The following EPHA5 variants were observed in gnomAD, a reference collection of about 807,000 sequenced individuals.
EPHA5 encodes ephrin type-A receptor 5.
EPHA5 carries 60 observed loss-of-function variants against 105.0 expected under a neutral mutation model. That is an observed-to-expected ratio of 0.57 (90% CI 0.46 to 0.71). EPHA5 has a LOEUF of 0.71. Ranked by LOEUF, EPHA5 falls within the 30% of genes least tolerant of loss-of-function variation. The pLI is 0.00. For synonymous variants in EPHA5, 513 were observed against 449.1 expected, an observed-to-expected ratio of 1.14 and a Z score of -1.80; for missense variants, 1,218 against 1,274.7, an observed-to-expected ratio of 0.96 and a Z score of 0.68.
At chr4:65,434,577 T>A (rs2149071228) in intron 5 of EPHA5, among the ~76,000 whole-genome samples, 1 of 152,326 alleles carries the variant, frequency 6.6e-6, no homozygotes, top group East Asian at 1.9e-4. Context: ...TGGAAGGTTT[T>A]TTTTGGATAT....
chr4:65,573,552 C>T (rs1740455770), intron 3 of EPHA5: 1 of 1,598,104 alleles, frequency 6.3e-7, no homozygotes, highest in Non-Finnish European at 8.5e-7. Flanking sequence ...AAAGGGTAAC[C>T]TCAAAGCTAA....
intron 15 of EPHA5, among the ~76,000 whole-genome samples, chr4:65,332,351 T>G (rs1720704265): frequency 6.6e-6 from 1 of 151,816 alleles, no homozygotes; most frequent in African/African-American, 2.4e-5. Flanking sequence ...GGACTTAACA[T>G]GAAGACTTAC....
intron 8 of EPHA5, among the ~76,000 whole-genome samples, chr4:65,385,736 G>A (rs1720013227): frequency 6.6e-6 from 1 of 151,766 alleles, no homozygotes; most frequent in African/African-American, 2.4e-5. Context: ...AAATGTATGT[G>A]TGTGATTATA....
chr4:65,623,048 A>G (rs1328800749), intron 2 of EPHA5, among the ~76,000 whole-genome samples: 1 of 152,138 alleles, frequency 6.6e-6, no homozygotes, highest in Admixed American at 6.5e-5. Flanking sequence ...GTTTAAGTTT[A>G]TGAAAAGTTA....
chr4:65,523,284 G>A (rs1360805750), intron 3 of EPHA5, among the ~76,000 whole-genome samples: 3 of 151,774 alleles, frequency 2.0e-5, no homozygotes, highest in East Asian at 1.9e-4. Flanking sequence ...CCTTTGCTCC[G>A]TGCTTCTTTA....
intron 1 of EPHA5, among the ~76,000 whole-genome samples, chr4:65,667,573 A>G (rs1319752898): frequency 4.6e-5 from 7 of 152,028 alleles, no homozygotes; most frequent in Admixed American, 1.3e-4. Context: ...TAAATCTGTA[A>G]CAACAGCCAG....
chr4:65,505,969 T>C (rs1258340934), intron 3 of EPHA5, among the ~76,000 whole-genome samples: 1 of 152,150 alleles, frequency 6.6e-6, no homozygotes, highest in Non-Finnish European at 1.5e-5. Flanking sequence ...CATTTAACAT[T>C]AGGTATATCT....
At chr4:65,454,791 T>G (rs1727413709) in intron 5 of EPHA5, among the ~76,000 whole-genome samples, 1 of 152,204 alleles carries the variant, frequency 6.6e-6, no homozygotes, top group Admixed American at 6.5e-5. Flanking sequence ...CATTCAAAAT[T>G]GCAAACTTTA....
At chr4:65,576,791 A>T (rs966125856) in intron 3 of EPHA5, among the ~76,000 whole-genome samples, 2 of 152,200 alleles carry the variant, frequency 1.3e-5, no homozygotes, top group African/African-American at 4.8e-5. Flanking sequence ...CATCTGGGAA[A>T]TCTCTCACCC....
chr4:65,546,471 G>T, intron 3 of EPHA5, among the ~76,000 whole-genome samples: 1 of 151,752 alleles, frequency 6.6e-6, no homozygotes, highest in African/African-American at 2.4e-5. Context: ...TTTTCTTTCT[G>T]GACTTCTGCC....
intron 5 of EPHA5, among the ~76,000 whole-genome samples, chr4:65,465,680 G>T (rs1214590968): frequency 1.3e-5 from 2 of 152,024 alleles, no homozygotes; most frequent in Non-Finnish European, 2.9e-5. Context: ...TGCCCATACG[G>T]GTTCCCCTGC....
At chr4:65,467,727 T>G (rs1578183585) in intron 5 of EPHA5, among the ~76,000 whole-genome samples, 1 of 152,288 alleles carries the variant, frequency 6.6e-6, no homozygotes, top group East Asian at 1.9e-4. Flanking sequence ...ATATGTAACA[T>G]TACATGACAA....
chr4:65,629,717 C>T (rs1746455916), intron 2 of EPHA5, among the ~76,000 whole-genome samples: 1 of 152,002 alleles, frequency 6.6e-6, no homozygotes, highest in African/African-American at 2.4e-5. Flanking sequence ...TTTTCTAAAG[C>T]TGCTCTCCTT....
chr4:65,505,956 C>G (rs549490456), intron 3 of EPHA5, among the ~76,000 whole-genome samples: 1 of 152,042 alleles, frequency 6.6e-6, no homozygotes, highest in African/African-American at 2.4e-5. Flanking sequence ...CCCATTGACT[C>G]GTCATTTAAC....
intron 5 of EPHA5, among the ~76,000 whole-genome samples, chr4:65,435,686 A>G (rs1422848727): frequency 6.6e-6 from 1 of 152,044 alleles, no homozygotes; most frequent in African/African-American, 2.4e-5. Flanking sequence ...CTTCCATTCT[A>G]GCTCTGTCAC....
intron 5 of EPHA5, among the ~76,000 whole-genome samples, chr4:65,433,936 A>G (rs888596047): frequency 1.9e-4 from 29 of 152,104 alleles, no homozygotes; most frequent in African/African-American, 7.0e-4. Context: ...CCCAGCTACA[A>G]CTACTCTACT....
chr4:65,587,677 G>A (rs1312115176), intron 3 of EPHA5, among the ~76,000 whole-genome samples: 2 of 152,154 alleles, frequency 1.3e-5, no homozygotes, highest in African/African-American at 4.8e-5. Flanking sequence ...GGCCTCTACT[G>A]TCTAGGGTAA....
chr4:65,502,758 G>T (rs1732621228), intron 3 of EPHA5, among the ~76,000 whole-genome samples: 1 of 151,702 alleles, frequency 6.6e-6, no homozygotes, highest in Non-Finnish European at 1.5e-5. Flanking sequence ...ATATCCAAAA[G>T]AAAATAAGTT....
chr4:65,478,579 C>T (rs1348579773), intron 5 of EPHA5, among the ~76,000 whole-genome samples: 1 of 152,060 alleles, frequency 6.6e-6, no homozygotes, highest in Non-Finnish European at 1.5e-5. Context: ...TCAAGTGATT[C>T]TCATGCCTCA....
Sources: gnomAD v4.1 joint callset for allele counts (sites outside exome capture counted in the v4.1 genomes callset) on GRCh38, gnomAD v4.1.1 for gene constraint, MANE v1.5 for transcripts, NCBI Gene and HGNC (gene_info 2026-07-23, HGNC 2026-07-21) for gene names.